Variants in MROH6 observed in about 807,000 individuals in gnomAD.
MROH6 encodes the protein maestro heat-like repeat-containing protein family member 6.
Under a neutral mutation model 67.7 loss-of-function variants are expected in MROH6, and 62 were observed. The ratio of observed to expected loss-of-function variants is 0.92; its 90% CI spans 0.75 to 1.13. MROH6 has a LOEUF of 1.13. MROH6 is among the 50% of genes most tolerant of loss of function. MROH6 has a pLI of 0.00. For missense variants in MROH6, 1,175 were observed against 1,029.1 expected (o/e 1.14, Z -1.94); for synonymous variants, 566 against 470.8 (o/e 1.20, Z -2.62).
In MROH6 at chr8:143,567,334, G is replaced by T. The variant is rs1433890195; in HGVS notation, c.2065C>A (p.Arg689Ser). 2 of 1,218,692 alleles carry T rather than the reference G, an allele frequency of 1.6e-6. No individual in the cohort carries two copies. The highest frequency in any genetic ancestry group is 1.6e-5 in the African/African-American group (1 of 63,692). The allele number at this position is 1,218,692 out of a possible 1,614,324, so 75.5% of individuals were successfully genotyped here. Residue 689 changes from arginine (R) to serine (S), a missense_variant, in exon 14 of 14, where the codon CGC (arginine) becomes AGC (serine). By Grantham distance (110) the Arg-to-Ser change is moderately radical. Transcript: ENST00000398882. Reference protein sequence around the residue: ...RGPRLLRIAPRPARPPPVFAD... With the variant: ...RGPRLLRIAPSPARPPPVFAD... ...AAGACTGGTGGGGGCCGGGCGGGGC[G>T]CGGGGCGATGCGGAGAAGGCGGGGC...
At position 143,570,223 on chromosome 8, in the gene MROH6, C is replaced by CCCCTCCTCA. The variant is rs11280720; in HGVS notation, c.1043+11_1043+19dup. The CCCCTCCTCA allele has an allele frequency of 0.2, 306,260 of 1,552,270 alleles. 31,586 individuals are homozygous for CCCCTCCTCA. Among genetic ancestry groups the CCCCTCCTCA allele is most frequent in the Middle Eastern group, 0.23 (1,354 of 5,824 alleles). ...CTCTTCCTGGTGTGACACCCTGGGG[C>CCCCTCCTCA]CCCTCCTCACCCTCCTCACCTGGCC... On this transcript the variant is annotated intron_variant, in intron 6 of 13. Transcript: ENST00000398882.
In MROH6 at chr8:143,568,732, G is replaced by T. The variant is rs1457363577; in HGVS notation, c.1477-13C>A. The T allele has an allele frequency of 6.8e-7, 1 of 1,469,420 alleles. No homozygotes were observed. The highest frequency in any genetic ancestry group is 2.5e-5 in the East Asian group (1 of 39,338). The allele number at this position is 1,469,420 out of a possible 1,614,324, so 91.0% of individuals were successfully genotyped here. ...TTGAGTCCCGTGTCTGCGTGGGAGGGCGCAGTCAGGGCAGGCGGAGACAGA... is the reference window on the plus strand; with the variant it reads ...TTGAGTCCCGTGTCTGCGTGGGAGGTCGCAGTCAGGGCAGGCGGAGACAGA... On this transcript the variant is annotated splice_polypyrimidine_tract_variant and intron_variant, in intron 9 of 13. Transcript: ENST00000398882.
rs767897434 is a variant in MROH6 at position 143,572,510 on chromosome 8, G to C, written c.205C>G (p.Pro69Ala). The change falls in exon 1 of 14, where the codon CCT (proline) becomes GCT (alanine). Residue 69 changes from proline (P) to alanine (A), a missense_variant. Coordinates refer to ENST00000398882, the MANE Select transcript of MROH6 (RefSeq NM_001100878.2). ...TCAGGGACGGTGGCCCCACGTCCAG[G>C]CTCTGCCTCAGAGGGGGCGGTGAGT... Reference protein sequence around the residue: ...QALTAPSEAEPGRGATVPEAG... With the variant: ...QALTAPSEAEAGRGATVPEAG... 1.2e-5 allele frequency: 19 copies of C among 1,605,790 alleles called. No individual in the cohort carries two copies. The Admixed American group carries it at 1.7e-4, about 14-fold the overall frequency.
chr8:143,571,853 A>C, intron 2 of MROH6, 32 bp from the exon 3 acceptor site: 1 of 1,527,690 alleles, frequency 6.5e-7, no homozygotes, highest in Non-Finnish European at 8.8e-7. Context: ...TTCAGCAGTC[A>C]GGCCTCCTCC....
chr8:143,570,876 C>T lies in MROH6; in HGVS notation c.720+1G>A. 8.2e-7 allele frequency: 1 copy of T among 1,212,806 alleles called. No individual in the cohort carries two copies. Among genetic ancestry groups the T allele is most frequent in the Non-Finnish European group, 1.2e-6 (1 of 865,962 alleles). The allele number at this position is 1,212,806 out of a possible 1,614,324, so 75.1% of individuals were successfully genotyped here. ...CCCTGGTAATGGCTGGAGCCACCTA[C>T]CGCCAGTGCCTGGGGCTCCGGCCCC... On this transcript the variant is annotated splice_donor_variant, in intron 4 of 13. Transcript: ENST00000398882. LOFTEE classifies it high-confidence loss of function.
At position 143,570,566 on chromosome 8, in the gene MROH6, G is replaced by C. The variant is rs746316701; in HGVS notation, c.812C>G (p.Thr271Arg). ...FYPHLLLALV[T>R]QLHKLARSPC... ...GCTGCGGGCCAGCTTGTGCAGCTGT[G>C]TGACCAGCGCAAGCAGCAGATGTGG... Residue 271 changes from threonine to arginine, a missense_variant, in exon 5 of 14, where the codon ACA becomes AGA. Coordinates refer to ENST00000398882, the MANE Select transcript of MROH6 (RefSeq NM_001100878.2). 2 of 1,608,728 alleles carry C rather than the reference G, an allele frequency of 1.2e-6. No individual in the cohort carries two copies. The highest frequency in any genetic ancestry group is 3.3e-5 in the Admixed American group (2 of 60,000).
Position 143,567,405 on chromosome 8 carries a change from G to A in MROH6, c.1994C>T (p.Ala665Val), listed in dbSNP as rs1823678557. Residue 665 changes from alanine to valine, a missense_variant, in exon 14 of 14, where the codon GCT becomes GTT. Coordinates refer to ENST00000398882, the MANE Select transcript of MROH6 (RefSeq NM_001100878.2). ...ACGGGCCAGCATCGCCACCTGCTGAGCGGACACGTGCGCTGCCGCGGCCAC... is the reference window on the plus strand; with the variant it reads ...ACGGGCCAGCATCGCCACCTGCTGAACGGACACGTGCGCTGCCGCGGCCAC... The part of the protein sequence containing the change: ...PAVAAAAHVS[A>V]QQVAMLARAR... 2.3e-6 allele frequency: 3 copies of A among 1,289,322 alleles called. No homozygotes were observed. The highest frequency in any genetic ancestry group is 2.4e-5 in the South Asian group (1 of 41,818). The allele number at this position is 1,289,322 out of a possible 1,614,324, so 79.9% of individuals were successfully genotyped here. A position where few individuals can be genotyped will look rare whatever the true frequency, so the allele number is the denominator to read the frequency against.
intron 10 of MROH6, 76 bp from the exon 11 acceptor site, chr8:143,568,337 C>T: frequency 6.6e-7 from 1 of 1,523,856 alleles, no homozygotes; most frequent in Non-Finnish European, 8.8e-7. Context: ...AGAGGGGGAG[C>T]AAGGGCATCG....
rs1823860939 is a variant in MROH6 at position 143,569,455 on chromosome 8, G to A, written c.1462C>T (p.Pro488Ser). The A allele has an allele frequency of 2.7e-6, 4 of 1,460,228 alleles. No individual in the cohort carries two copies. The highest frequency in any genetic ancestry group is 3.6e-6 in the Non-Finnish European group (4 of 1,116,760). 90.5% of individuals were successfully genotyped at this position (1,460,228 alleles called of 1,614,324 possible). A position where few individuals can be genotyped will look rare whatever the true frequency, so the allele number is the denominator to read the frequency against. ...LSAELGPRLP[P>S]LLDDTRDSIR... ...CGTTTGCTCACGTCGTCCAGTAGCGGAGGGAGGCGCGGTCCCAGCTCCGCG... is the reference window on the plus strand; with the variant it reads ...CGTTTGCTCACGTCGTCCAGTAGCGAAGGGAGGCGCGGTCCCAGCTCCGCG... Residue 488 changes from proline (P) to serine (S), a missense_variant, in exon 9 of 14, where the codon CCG (proline) becomes TCG (serine). Transcript: ENST00000398882.
In MROH6 at chr8:143,570,884, G is replaced by T; in HGVS notation, c.713C>A (p.Ala238Glu). 1 of 1,529,870 alleles carries T rather than the reference G, an allele frequency of 6.5e-7. No individual in the cohort carries two copies. The highest frequency in any genetic ancestry group is 8.8e-7 in the Non-Finnish European group (1 of 1,133,868). 94.8% of individuals were successfully genotyped at this position (1,529,870 alleles called of 1,614,324 possible). A position where few individuals can be genotyped will look rare whatever the true frequency, so the allele number is the denominator to read the frequency against. The change falls in exon 4 of 14, where the codon GCA becomes GAA. Residue 238 changes from alanine (A) to glutamate (E), a missense_variant. Ala to Glu is a moderately radical substitution (Grantham distance 107). Coordinates refer to ENST00000398882, the MANE Select transcript of MROH6 (RefSeq NM_001100878.2). Reference sequence around the variant, plus strand: ...ATGGCTGGAGCCACCTACCGCCAGTGCCTGGGGCTCCGGCCCCGAAGCACC... The same window carrying T: ...ATGGCTGGAGCCACCTACCGCCAGTTCCTGGGGCTCCGGCCCCGAAGCACC... ...LKGASGPEPQ[A>E]LAATRALGEM...
At position 143,570,486 on chromosome 8, in the gene MROH6, G is replaced by C; in HGVS notation, c.892C>G (p.His298Asp). Residue 298 changes from histidine to aspartate, a missense_variant, in exon 5 of 14, where the codon CAT becomes GAT. Transcript: ENST00000398882. ...GTTGCCTCTCACCTGGCATGGCTAT[G>C]TGGTGGCCCTCGGTGGGACAGAACC... The part of the protein sequence containing the change: ...IWVLSHRGPP[H>D]SHASCAVEAL... 3 of 1,612,714 alleles carry C rather than the reference G, an allele frequency of 1.9e-6. No individual in the cohort carries two copies. Among genetic ancestry groups the C allele is most frequent in the Non-Finnish European group, 2.5e-6 (3 of 1,179,590 alleles).
rs752874213 is a variant in MROH6 at position 143,567,795 on chromosome 8, C to T, written c.1858G>A (p.Val620Met). ...CCCCGGGCGGCCTCACCTATAAGCA[C>T]GGCGGCTGCCCGGCGCAGGGGGTCC... Reference protein sequence around the residue: ...PQDPLRRAAAVLIGFLVHHAS... With the variant: ...PQDPLRRAAAMLIGFLVHHAS... Residue 620 changes from valine to methionine, a missense_variant, in exon 12 of 14, where the codon GTG becomes ATG. Coordinates refer to ENST00000398882, the MANE Select transcript of MROH6 (RefSeq NM_001100878.2). 1.2e-5 allele frequency: 18 copies of T among 1,548,730 alleles called. No individual in the cohort carries two copies. The highest frequency in any genetic ancestry group is 4.9e-5 in the South Asian group (4 of 81,962).
chr8:143,569,577 C>G lies in MROH6; in HGVS notation c.1340G>C (p.Gly447Ala). 5 of 1,561,618 alleles carry G rather than the reference C, an allele frequency of 3.2e-6. No homozygotes were observed. Among genetic ancestry groups the G allele is most frequent in the Non-Finnish European group, 4.3e-6 (5 of 1,158,822 alleles). Residue 447 changes from glycine (G) to alanine (A), a missense_variant, in exon 9 of 14, where the codon GGC (glycine) becomes GCC (alanine). Coordinates refer to ENST00000398882, the MANE Select transcript of MROH6 (RefSeq NM_001100878.2). ...HVSTLLPALL[G>A]ALGEGDARLV... ...CCGCGCGTCGCCTTCGCCCAGTGCG[C>G]CCAGGAGCGCCGGCAGCAGCGTGCT...
chr8:143,570,778 A>G, intron 4 of MROH6, 99 bp downstream of exon 4: 1 of 1,407,202 alleles, frequency 7.1e-7, no homozygotes, highest in Non-Finnish European at 9.6e-7. Context: ...ACATTCCAGG[A>G]GCAGTTACCT....
Position 143,572,671 on chromosome 8 carries a change from G to A in MROH6, c.44C>T (p.Pro15Leu). The A allele has an allele frequency of 6.5e-7, 1 of 1,542,382 alleles. No individual in the cohort carries two copies. The change falls in exon 1 of 14, where the codon CCC becomes CTC. Residue 15 changes from proline to leucine, a missense_variant. Coordinates refer to ENST00000398882, the MANE Select transcript of MROH6 (RefSeq NM_001100878.2). ...TGCTGTCAGGGTTAGAGCCCCCACG[G>A]GAGCCTCCCGGGCCCGGCTCCGGCC... Reference protein sequence around the residue: ...VWGRSRAREAPVGALTLTALT... With the variant: ...VWGRSRAREALVGALTLTALT...
Position 143,566,855 on chromosome 8 carries a change from G to T in MROH6, c.*384C>A. The T allele has an allele frequency of 5.9e-6, 1 of 169,566 alleles. No homozygotes were observed. Among genetic ancestry groups the T allele is most frequent in the Non-Finnish European group, 1.3e-5 (1 of 79,354 alleles). The allele number at this position is 169,566 out of a possible 1,614,324, so 10.5% of individuals were successfully genotyped here. On this transcript the variant is annotated 3_prime_UTR_variant, in exon 14 of 14. Coordinates refer to ENST00000398882, the MANE Select transcript of MROH6 (RefSeq NM_001100878.2). Reference sequence around the variant, plus strand: ...GCAGCTGCAGGGCTGGCCAAGGCCCGGACAGGCCACAGCGTCCTGTCCAGG... The same window carrying T: ...GCAGCTGCAGGGCTGGCCAAGGCCCTGACAGGCCACAGCGTCCTGTCCAGG...
At position 143,571,775 on chromosome 8, in the gene MROH6, G is replaced by A. The variant is rs763595306; in HGVS notation, c.494C>T (p.Ala165Val). The change falls in exon 3 of 14, where the codon GCG (alanine) becomes GTG (valine). Residue 165 changes from alanine (A) to valine (V), a missense_variant. Coordinates refer to ENST00000398882, the MANE Select transcript of MROH6 (RefSeq NM_001100878.2). ...GGCCGCCCTCCAGGGCCTCCCCTCC[G>A]CTAGGCTGGGCACCTGCGCCAGCAG... ...RGLLAQVPSLAEGRPWRAALR... is the reference protein window; with the variant it reads ...RGLLAQVPSLVEGRPWRAALR... 1.2e-5 allele frequency: 19 copies of A among 1,547,634 alleles called. No homozygotes were observed. Among genetic ancestry groups the A allele is most frequent in the African/African-American group, 4.1e-5 (3 of 73,124 alleles).
chr8:143,567,315 G>A lies in MROH6; in HGVS notation c.2084C>T (p.Pro695Leu). 4.1e-6 allele frequency: 5 copies of A among 1,220,690 alleles called. No individual in the cohort carries two copies. Among genetic ancestry groups the A allele is most frequent in the Non-Finnish European group, 5.1e-6 (5 of 980,792 alleles). The allele number at this position is 1,220,690 out of a possible 1,614,324, so 75.6% of individuals were successfully genotyped here. Residue 695 changes from proline (P) to leucine (L), a missense_variant, in exon 14 of 14, where the codon CCA becomes CTA. Pro to Leu is a moderately conservative substitution (Grantham distance 98, BLOSUM62 -3). Coordinates refer to ENST00000398882, the MANE Select transcript of MROH6 (RefSeq NM_001100878.2). ...CTGGAAGGGGCTGTCGGCGAAGACT[G>A]GTGGGGGCCGGGCGGGGCGCGGGGC... ...RIAPRPARPPPVFADSPFQRR... is the reference protein window; with the variant it reads ...RIAPRPARPPLVFADSPFQRR...
rs914610594 is a variant in MROH6, at chr8:143,571,795, C to T, written c.474G>A (p.Leu158=). The change falls in exon 3 of 14, where the codon CTG becomes CTA. Residue 158 remains leucine, a synonymous_variant. Coordinates refer to ENST00000398882, the MANE Select transcript of MROH6 (RefSeq NM_001100878.2). ...DQVHALVRGL[L]AQVPSLAEGR... ...CCTCCGCTAGGCTGGGCACCTGCGC[C>T]AGCAGCCCACGCACCAGAGCATGCA... The T allele has an allele frequency of 1.9e-6, 3 of 1,547,586 alleles. No individual in the cohort carries two copies. The highest frequency in any genetic ancestry group is 1.7e-6 in the Non-Finnish European group (2 of 1,148,106).
Sources: gnomAD v4.1 joint callset for allele counts on GRCh38, gnomAD v4.1.1 for gene constraint, MANE v1.5 for transcripts, NCBI Gene and HGNC (gene_info 2026-07-23, HGNC 2026-07-21) for gene names.